CLIP2: variants seen among roughly 807,000 people sequenced by gnomAD.
CLIP2 encodes CAP-Gly domain containing linker protein 2.
CLIP2 carries 41 observed loss-of-function variants against 111.7 expected under a neutral mutation model. The ratio of observed to expected loss-of-function variants is 0.37; its 90% CI spans 0.29 to 0.48. CLIP2 has a LOEUF of 0.48. Among genes scored for constraint, CLIP2 ranks in the 20% least tolerant of loss-of-function variants. The pLI is 0.99. For missense variants in CLIP2, 1,160 were observed against 1,422.1 expected, an observed-to-expected ratio of 0.82 and a Z score of 2.96; for synonymous variants, 660 against 644.2, an observed-to-expected ratio of 1.02 and a Z score of -0.37.
At chr7:74,336,841 A>G (rs1447049796) in intron 2 of CLIP2, among the ~76,000 whole-genome samples, 1 of 138,738 alleles carries the variant, frequency 7.2e-6, no homozygotes, top group East Asian at 2.2e-4. Context: ...TGTGATTACT[A>G]TGGTTGTTTG....
chr7:74,341,591 T>G (rs1330866687), intron 3 of CLIP2, among the ~76,000 whole-genome samples: 3 of 150,258 alleles, frequency 2.0e-5, no homozygotes, highest in African/African-American at 4.9e-5. Flanking sequence ...GCTCTGCTTT[T>G]CTTTTCTTTT....
chr7:74,376,763 C>T lies in CLIP2; in HGVS notation c.2362C>T (p.Leu788=). 1 of 1,611,760 alleles carries T rather than the reference C, an allele frequency of 6.2e-7. No homozygotes were observed. The highest frequency in any genetic ancestry group is 8.5e-7 in the Non-Finnish European group (1 of 1,179,434). ...QEVESLREKL[L]VAENRLQAVE... ...GGTCGAGAGTTTGCGGGAGAAGCTC[C>T]TGGTGGCTGAGAACAGACTCCAGGC... The change falls in exon 10 of 17, where the codon CTG becomes TTG. Residue 788 remains leucine, a synonymous_variant. Transcript: ENST00000223398. The surrounding 1 kb of genome is among the most constrained non-coding windows in gnomAD (Gnocchi z 7.1).
intron 1 of CLIP2, among the ~76,000 whole-genome samples, chr7:74,315,225 G>A (rs528129934): frequency 2.0e-5 from 3 of 152,242 alleles, no homozygotes; most frequent in South Asian, 2.1e-4. Flanking sequence ...GCAGTGAGCC[G>A]AGATGCTGTC....
intron 1 of CLIP2, among the ~76,000 whole-genome samples, chr7:74,291,106 C>T (rs1788003161): frequency 6.6e-6 from 1 of 152,190 alleles, no homozygotes; most frequent in South Asian, 2.1e-4. Flanking sequence ...GGAACTTAGA[C>T]CTGCGTTGAG....
At chr7:74,319,314 C>T (rs1788879851) in intron 2 of CLIP2, among the ~76,000 whole-genome samples, 1 of 151,994 alleles carries the variant, frequency 6.6e-6, no homozygotes, top group African/African-American at 2.4e-5. Flanking sequence ...GAGTTCGAGA[C>T]CAGCCTGGCC....
intron 2 of CLIP2, among the ~76,000 whole-genome samples, chr7:74,320,318 G>C (rs1554729853): frequency 6.6e-6 from 1 of 151,990 alleles, no homozygotes. Flanking sequence ...TTGAGCAGTA[G>C]AGTTTGAGTC....
Position 74,338,934 on chromosome 7 carries a change from G to C in CLIP2, c.608G>C (p.Gly203Ala). 6.2e-7 allele frequency: 1 copy of C among 1,600,724 alleles called. No individual in the cohort carries two copies. The highest frequency in any genetic ancestry group is 8.5e-7 in the Non-Finnish European group (1 of 1,179,870). Residue 203 changes from glycine to alanine, a missense_variant, in exon 3 of 17, where the codon GGA becomes GCA. Physicochemically the swap from Gly to Ala is moderately conservative, Grantham distance 60. Coordinates refer to ENST00000223398, the MANE Select transcript of CLIP2 (RefSeq NM_003388.5). This position sits in a 1 kb window ranked among gnomAD's most constrained non-coding sequence, Gnocchi z 4.3. Reference sequence around the variant, plus strand: ...TCCGTGAAGACTGGCAACGAGTCGGGATCCAACCTCTCAGACAGCGGCTCT... The same window carrying C: ...TCCGTGAAGACTGGCAACGAGTCGGCATCCAACCTCTCAGACAGCGGCTCT... ...NSSVKTGNES[G>A]SNLSDSGSVK...
intron 13 of CLIP2, among the ~76,000 whole-genome samples, chr7:74,393,947 C>T (rs1791366645): frequency 6.6e-6 from 1 of 152,152 alleles, no homozygotes. Context: ...TGTCTCCCAT[C>T]CTAAGTGGAA....
chr7:74,304,822 G>C (rs190344061), intron 1 of CLIP2, among the ~76,000 whole-genome samples: 1 of 152,200 alleles, frequency 6.6e-6, no homozygotes, highest in East Asian at 1.9e-4. Flanking sequence ...GCATACACCT[G>C]TGGTCCCAAC....
intron 11 of CLIP2, among the ~76,000 whole-genome samples, chr7:74,383,267 C>T (rs1242602180): frequency 6.6e-6 from 1 of 152,030 alleles, no homozygotes; most frequent in Non-Finnish European, 1.5e-5. Context: ...CTTATCCCAA[C>T]ACTATTTTTG....
At chr7:74,371,658 A>AG (rs1790627129) in intron 8 of CLIP2, among the ~76,000 whole-genome samples, 1 of 126,906 alleles carries the variant, frequency 7.9e-6, no homozygotes, top group Non-Finnish European at 1.6e-5. Context: ...GGAGGGAGAG[A>AG]GGGAAAAAGA....
chr7:74,373,225 C>T (rs1305797888), intron 9 of CLIP2, among the ~76,000 whole-genome samples, 189 bp downstream of exon 9: 3 of 152,054 alleles, frequency 2.0e-5, no homozygotes, highest in Non-Finnish European at 2.9e-5. Flanking sequence ...TGGCCGGGTG[C>T]GGTGGCTCAC....
At chr7:74,315,579 C>CT (rs1373775996) in intron 1 of CLIP2, among the ~76,000 whole-genome samples, 14 of 149,628 alleles carry the variant, frequency 9.4e-5, no homozygotes, top group Non-Finnish European at 1.5e-4. Context: ...TTTCTTTTTT[C>CT]TTTTTTTTTG....
chr7:74,319,946 G>T (rs1347625686), intron 2 of CLIP2, among the ~76,000 whole-genome samples: 1 of 151,602 alleles, frequency 6.6e-6, no homozygotes, highest in African/African-American at 2.4e-5. Flanking sequence ...TGGGGGCTGG[G>T]CACAGTGACT....
At chr7:74,357,523 CAT>C in intron 6 of CLIP2, 46 bp downstream of exon 6, 2 of 1,556,422 alleles carry the variant, frequency 1.3e-6, no homozygotes, top group Non-Finnish European at 8.7e-7. Flanking sequence ...CAGCCAGCCT[CAT>C]AGAGTCTCAC....
intron 1 of CLIP2, among the ~76,000 whole-genome samples, chr7:74,300,763 A>G (rs1363415916): frequency 6.6e-6 from 1 of 152,036 alleles, no homozygotes; most frequent in African/African-American, 2.4e-5. Flanking sequence ...GCCTGATTTC[A>G]TTCTTTTTGA....
Position 74,400,677 on chromosome 7 carries a change from G to A in CLIP2, c.3066+122G>A, listed in dbSNP as rs1438980830. The A allele has an allele frequency of 1.7e-4, 170 of 993,156 alleles. No homozygotes were observed. The East Asian group carries it at 1.9e-3, about 11-fold the overall frequency. The allele number at this position is 993,156 out of a possible 1,614,324, so 61.5% of individuals were successfully genotyped here. A position where few individuals can be genotyped will look rare whatever the true frequency, so the allele number is the denominator to read the frequency against. On this transcript the variant is annotated intron_variant, in intron 15 of 16. Transcript: ENST00000223398. ...CCCAGTCTGAGGAGGTAGGGAGCTC[G>A]TCCCAGGAACCTGGTCTGAAGGGGG...
intron 1 of CLIP2, among the ~76,000 whole-genome samples, chr7:74,306,166 C>T (rs940463201): frequency 1.3e-5 from 2 of 152,260 alleles, no homozygotes; most frequent in Non-Finnish European, 1.5e-5. Context: ...CTCCCGGTTA[C>T]GGGTCCCTTG....
chr7:74,351,098 G>T (rs1190254652), intron 3 of CLIP2, among the ~76,000 whole-genome samples: 2 of 148,800 alleles, frequency 1.3e-5, no homozygotes, highest in East Asian at 3.9e-4. Context: ...AGAAGGAAGG[G>T]AAGGGAAGGA....
Sources: gnomAD v4.1 joint callset for allele counts (sites outside exome capture counted in the v4.1 genomes callset) on GRCh38, gnomAD v4.1.1 for gene constraint, Gnocchi (gnomAD v3.1) non-coding constraint, MANE v1.5 for transcripts, NCBI Gene and HGNC (gene_info 2026-07-23, HGNC 2026-07-21) for gene names.